Variants in NXN observed in about 807,000 individuals in gnomAD.
The protein encoded by NXN is nucleoredoxin 1.
NXN carries 16 observed loss-of-function variants against 48.6 expected under a neutral mutation model. The observed-to-expected ratio is 0.33, with a 90% CI of 0.22 to 0.50. The LOEUF (loss-of-function observed/expected upper bound fraction) is 0.50, where lower values mean the gene tolerates loss of function less well. NXN is among the 20% of genes least tolerant of loss of function. The pLI is 0.98. For synonymous variants in NXN, 281 were observed against 269.6 expected (o/e 1.04, Z -0.41); for missense variants, 492 against 605.5 (o/e 0.81, Z 1.97).
rs144807894 is a variant in NXN at position 953,533 on chromosome 17, T to A, written c.360+25786A>T. Reference sequence around the variant, plus strand: ...GGAACAGGAGAAACATTTTTATAACTTCCTCGCGCCCAGCATAAACCTGTT... The same window carrying A: ...GGAACAGGAGAAACATTTTTATAACATCCTCGCGCCCAGCATAAACCTGTT... On this transcript the variant is annotated intron_variant, in intron 1 of 7. Transcript: ENST00000336868. Among the ~76,000 whole-genome samples the A allele has an allele frequency of 3.3e-5, 5 of 152,272 alleles. No homozygotes were observed. The East Asian group carries it at 9.7e-4, about 29-fold the overall frequency.
At chr17:841,430 ACGGGCGAGCAGG>A (rs1914210049) in intron 1 of NXN, among the ~76,000 whole-genome samples, 1 of 104,594 alleles carries the variant, frequency 9.6e-6, no homozygotes, top group Non-Finnish European at 2.2e-5. Context: ...CGCATCTCAC[ACGGGCGAGCAGG>A]TCCCCCTGAC....
At chr17:943,000 T>C (rs1427351554) in intron 1 of NXN, among the ~76,000 whole-genome samples, 28 of 132,068 alleles carry the variant, frequency 2.1e-4, no homozygotes, top group South Asian at 1.2e-3. Flanking sequence ...CATCACACCT[T>C]CCTGGATTTA....
rs146230518 is a variant in NXN, at chr17:963,017, T to TC, written c.360+16301dup. 8.2e-3 allele frequency among the ~76,000 whole-genome samples: 1,255 copies of TC among 152,182 alleles called. 23 individuals carry two copies. The highest frequency in any genetic ancestry group is 0.028 in the African/African-American group (1,162 of 41,516). On this transcript the variant is annotated intron_variant, in intron 1 of 7. Transcript: ENST00000336868. ...AGAGCGGTGGTTTGAGGGATTCTGT[T>TC]CCTTGTCTCTAACTGTGTTGGGTTC...
chr17:856,487 C>CTT (rs35579004), intron 1 of NXN, among the ~76,000 whole-genome samples: 64 of 121,048 alleles, frequency 5.3e-4, no homozygotes, highest in Non-Finnish European at 8.0e-4. Context: ...AAGTACTTGT[C>CTT]TTTTTTTTTT....
At position 801,443 on chromosome 17, in the gene NXN, CT is replaced by C. The variant is rs71371579; in HGVS notation, c.1126-313del. On this transcript the variant is annotated intron_variant, in intron 7 of 7. Coordinates refer to ENST00000336868, the MANE Select transcript of NXN (RefSeq NM_022463.5). ...CTCAGCATTTTAGAAATGTCACATT[CT>C]TTTTTTTTTTTTTTTTTTTGAGATG... Among the ~76,000 whole-genome samples the C allele has an allele frequency of 4.8e-3, 503 of 104,288 alleles. 1 individual carries two copies. The highest frequency in any genetic ancestry group is 0.014 in the South Asian group (42 of 3,054). The allele number at this position is 104,288 out of a possible 152,430, so 68.4% of individuals were successfully genotyped here.
chr17:929,978 A>AC (rs2068837784), intron 1 of NXN: 1 of 151,424 alleles, frequency 6.6e-6, no homozygotes, highest in Non-Finnish European at 1.5e-5. Context: ...AAAAAAAAAA[A>AC]ACTTTGGAAT....
chr17:868,682 C>T (rs1323163989), intron 1 of NXN, among the ~76,000 whole-genome samples: 5 of 152,008 alleles, frequency 3.3e-5, no homozygotes, highest in South Asian at 2.1e-4. Context: ...TTAGTAGAGA[C>T]GGGGTTTCAC....
intron 1 of NXN, among the ~76,000 whole-genome samples, chr17:844,794 A>G (rs1349779264): frequency 6.6e-6 from 1 of 152,062 alleles, no homozygotes; most frequent in African/African-American, 2.4e-5. Flanking sequence ...CATGTTGCCC[A>G]GGCTGGTCTC....
chr17:974,413 C>T (rs12451733), intron 1 of NXN, among the ~76,000 whole-genome samples: 21,807 of 151,772 alleles, frequency 0.14, 2,351 homozygotes, highest in African/African-American at 0.3. Flanking sequence ...TTTTACAGTT[C>T]AGTAATGTGA....
intron 1 of NXN, among the ~76,000 whole-genome samples, chr17:901,227 A>G (rs474966): frequency 0.81 from 123,674 of 152,046 alleles, 50,590 homozygotes; most frequent in Middle Eastern, 0.9. Context: ...GGCCAGATAG[A>G]TCTGCATTCT....
chr17:959,345 G>A (rs1167466998), intron 1 of NXN: 7 of 240,936 alleles, frequency 2.9e-5, no homozygotes, highest in Admixed American at 1.7e-4. Context: ...AAGGAGGGCT[G>A]GGAGTACGTG....
intron 1 of NXN, among the ~76,000 whole-genome samples, 160 bp from the exon 2 acceptor site, chr17:826,238 C>T (rs533070733): frequency 1.2e-4 from 18 of 152,078 alleles, no homozygotes; most frequent in Middle Eastern, 3.4e-3. Context: ...CAAAGGGGCA[C>T]GTTAACTACA....
At chr17:813,122 A>G (rs1228117019) in intron 5 of NXN, among the ~76,000 whole-genome samples, 1 of 152,278 alleles carries the variant, frequency 6.6e-6, no homozygotes, top group African/African-American at 2.4e-5. Flanking sequence ...AATCACACAA[A>G]AGCTCAGAAA....
chr17:845,195 C>A (rs2067846658), intron 1 of NXN, among the ~76,000 whole-genome samples: 1 of 64,646 alleles, frequency 1.5e-5, no homozygotes, highest in South Asian at 3.7e-4. Flanking sequence ...AGAATTCCAC[C>A]CTTCTAGAGA....
At chr17:953,672 A>G in intron 1 of NXN, among the ~76,000 whole-genome samples, 1 of 152,244 alleles carries the variant, frequency 6.6e-6, no homozygotes, top group East Asian at 1.9e-4. Flanking sequence ...TAAGGAGTCC[A>G]GAGTGAGACA....
chr17:866,459 G>A (rs2068096603), intron 1 of NXN, among the ~76,000 whole-genome samples: 1 of 152,112 alleles, frequency 6.6e-6, no homozygotes, highest in Non-Finnish European at 1.5e-5. Flanking sequence ...TGTAGTCTCA[G>A]GTACTCGGGA....
At chr17:927,860 C>A (rs2068817131) in intron 1 of NXN, among the ~76,000 whole-genome samples, 1 of 152,102 alleles carries the variant, frequency 6.6e-6, no homozygotes, top group South Asian at 2.1e-4. Flanking sequence ...ACCAGCTTTT[C>A]TTTAATTACT....
intron 1 of NXN, among the ~76,000 whole-genome samples, chr17:973,625 T>G (rs2069418880): frequency 1.3e-5 from 2 of 152,148 alleles, no homozygotes; most frequent in African/African-American, 4.8e-5. Context: ...ATTTGTTGTT[T>G]CATTCTTCTA....
At chr17:801,650 G>GTA (rs1911220256) in intron 7 of NXN, among the ~76,000 whole-genome samples, 1 of 151,998 alleles carries the variant, frequency 6.6e-6, no homozygotes, top group Admixed American at 6.6e-5. Flanking sequence ...CACCATGTTG[G>GTA]TCAGGCTGGT....
Sources: gnomAD v4.1 joint callset for allele counts (sites outside exome capture counted in the v4.1 genomes callset) on GRCh38, gnomAD v4.1.1 for gene constraint, MANE v1.5 for transcripts, NCBI Gene and HGNC (gene_info 2026-07-23, HGNC 2026-07-21) for gene names.